The following NKD1 variants were observed in gnomAD, a reference collection of about 807,000 sequenced individuals.
NKD1 encodes the protein NKD inhibitor of Wnt signaling pathway 1, also known as protein naked cuticle homolog 1.
A neutral mutation model predicts 56.0 loss-of-function variants in NKD1; 21 were observed. The observed-to-expected ratio is 0.38, with a 90% CI of 0.27 to 0.54. The LOEUF (loss-of-function observed/expected upper bound fraction) is 0.54. NKD1 is among the 20% of genes least tolerant of loss of function. The pLI is 0.82. For missense variants in NKD1, 578 were observed against 642.7 expected (o/e 0.90, Z 1.09); for synonymous variants, 263 against 265.7 (o/e 0.99, Z 0.10).
At chr16:50,602,955 A>G (rs1356125041) in intron 3 of NKD1, among the ~76,000 whole-genome samples, 1 of 152,202 alleles carries the variant, frequency 6.6e-6, no homozygotes, top group Non-Finnish European at 1.5e-5. Flanking sequence ...TGCCTCCTGG[A>G]CACACATGTG....
chr16:50,625,376 C>T lies in NKD1; in HGVS notation c.367-109C>T, dbSNP rs1037810306. On this transcript the variant is annotated intron_variant, in intron 5 of 9. Coordinates refer to ENST00000268459, the MANE Select transcript of NKD1 (RefSeq NM_033119.5). The stretch of plus-strand genomic sequence containing the variant: ...CTGTCCACTCAAGGTCTGGGGAGGG[C>T]AGAGGACAGGTGGCCGCCCCTTGGC... 27 of 763,974 alleles carry T rather than the reference C, an allele frequency of 3.5e-5. 2 individuals carry two copies. In the South Asian group the frequency reaches 3.9e-4, roughly 11 times the overall value. 47.3% of individuals were successfully genotyped at this position (763,974 alleles called of 1,614,324 possible). A position where few individuals can be genotyped will look rare whatever the true frequency, so the allele number is the denominator to read the frequency against.
rs546827831 is a variant in NKD1, at chr16:50,632,844, T to G, written c.824-348T>G. Among the ~76,000 whole-genome samples, 87 of 152,336 alleles carry G rather than the reference T, an allele frequency of 5.7e-4. 1 individual carries two copies. The highest frequency in any genetic ancestry group is 9.3e-4 in the Non-Finnish European group (63 of 68,038). On this transcript the variant is annotated intron_variant, in intron 9 of 9. Coordinates refer to ENST00000268459, the MANE Select transcript of NKD1 (RefSeq NM_033119.5). The surrounding 1 kb of genome is among the most constrained non-coding windows in gnomAD (Gnocchi z 4.1). ...CTCCCTTCTCCCCTTTCTCTTCATA[T>G]GTTTAATTCCTCTATGAGTTACTTC...
chr16:50,607,374 G>T, intron 3 of NKD1: 1 of 161,694 alleles, frequency 6.2e-6, no homozygotes, highest in Admixed American at 5.9e-5. Context: ...GGAGAGGGTT[G>T]GGTTTTGTTT....
At chr16:50,574,035 T>A in intron 3 of NKD1, 1 of 905,694 alleles carries the variant, frequency 1.1e-6, no homozygotes, top group Non-Finnish European at 1.3e-6. Flanking sequence ...TTATGTCTTT[T>A]CAGTACTTTT....
chr16:50,648,796 T>G lies in NKD1; in HGVS notation c.*15015T>G, dbSNP rs950082975. ...GAGAGCTTGTTTATACCTATTGTCA[T>G]CTCTGTTCTTCTGTGCCCCTTCTTC... On this transcript the variant is annotated 3_prime_UTR_variant, in exon 10 of 10. Coordinates refer to ENST00000268459, the MANE Select transcript of NKD1 (RefSeq NM_033119.5). The G allele has an allele frequency of 1.3e-5, 2 of 152,230 alleles. No homozygotes were observed. The highest frequency in any genetic ancestry group is 4.8e-5 in the African/African-American group (2 of 41,446). 9.4% of individuals were successfully genotyped at this position (152,230 alleles called of 1,614,324 possible).
chr16:50,618,315 G>A (rs1299113354), intron 4 of NKD1, among the ~76,000 whole-genome samples: 1 of 152,108 alleles, frequency 6.6e-6, no homozygotes, highest in Non-Finnish European at 1.5e-5. Flanking sequence ...AGGAATCAGA[G>A]GCAGAGAATG....
chr16:50,595,862 T>A (rs1236433608), intron 3 of NKD1, among the ~76,000 whole-genome samples: 1 of 152,206 alleles, frequency 6.6e-6, no homozygotes, highest in Non-Finnish European at 1.5e-5. Context: ...GGCTGTTGAC[T>A]GGACCTGCAG....
intron 3 of NKD1, among the ~76,000 whole-genome samples, chr16:50,588,672 G>A (rs1433528548): frequency 1.4e-5 from 2 of 140,302 alleles, no homozygotes; most frequent in South Asian, 2.3e-4. Flanking sequence ...GTGTGATCTC[G>A]GTTCACTGCA....
intron 3 of NKD1, among the ~76,000 whole-genome samples, chr16:50,579,492 C>T (rs1425801343): frequency 5.5e-5 from 7 of 126,756 alleles, no homozygotes; most frequent in Admixed American, 1.5e-4. Context: ...CCGCTACACA[C>T]GCACTCTAAC....
intron 8 of NKD1, among the ~76,000 whole-genome samples, chr16:50,631,930 C>A (rs1173747906): frequency 6.6e-6 from 1 of 152,262 alleles, no homozygotes; most frequent in Non-Finnish European, 1.5e-5. Context: ...GGCCGCCTAC[C>A]TGCAGTGGGC....
rs1960796910 is a variant in NKD1 at position 50,567,905 on chromosome 16, A to G, written c.192+18350A>G. ...GCTTGTCATAAAACTGGCCTCTGCC[A>G]TATTTCACTCCCCAAGATTTTTGAC... On this transcript the variant is annotated intron_variant, in intron 3 of 9. Transcript: ENST00000268459. Among the ~76,000 whole-genome samples, 6 of 152,396 alleles carry G rather than the reference A, an allele frequency of 3.9e-5. No individual in the cohort carries two copies. The South Asian group carries it at 1.0e-3, about 26-fold the overall frequency.
At chr16:50,601,899 T>C (rs2151274043) in intron 3 of NKD1, among the ~76,000 whole-genome samples, 1 of 152,234 alleles carries the variant, frequency 6.6e-6, no homozygotes, top group Admixed American at 6.5e-5. Flanking sequence ...GGCGGGTCTG[T>C]TTTCCTCTCC....
intron 3 of NKD1, among the ~76,000 whole-genome samples, chr16:50,564,190 T>A (rs1320875658): frequency 6.6e-6 from 1 of 152,248 alleles, no homozygotes; most frequent in Non-Finnish European, 1.5e-5. Flanking sequence ...GCCATGGCCA[T>A]GGTGGGGAAT....
At chr16:50,631,934 A>T (rs1405094732) in intron 8 of NKD1, among the ~76,000 whole-genome samples, 2 of 152,250 alleles carry the variant, frequency 1.3e-5, no homozygotes, top group African/African-American at 4.8e-5. Flanking sequence ...GCCTACCTGC[A>T]GTGGGCACAT....
chr16:50,609,099 A>G (rs1961784409), intron 4 of NKD1, among the ~76,000 whole-genome samples: 1 of 152,228 alleles, frequency 6.6e-6, no homozygotes, highest in African/African-American at 2.4e-5. Flanking sequence ...TGCTGGGGTT[A>G]CAGGCGTGAG....
Position 50,549,478 on chromosome 16 carries a change from G to T in NKD1, c.115G>T (p.Gly39Trp), listed in dbSNP as rs781157182. 6.2e-7 allele frequency: 1 copy of T among 1,610,774 alleles called. No homozygotes were observed. The highest frequency in any genetic ancestry group is 8.5e-7 in the Non-Finnish European group (1 of 1,178,710). Residue 39 changes from glycine to tryptophan, a missense_variant, in exon 3 of 10, where the codon GGG becomes TGG. Transcript: ENST00000268459. ...WARKGIEEWI[G>W]RQRCPGGVSG... is the part of the protein sequence containing the mutation. Reference sequence around the variant, plus strand: ...TCGGAAGGGCATCGAGGAGTGGATCGGGAGACAGCGCTGCCCGGGCGGTGT... The same window carrying T: ...TCGGAAGGGCATCGAGGAGTGGATCTGGAGACAGCGCTGCCCGGGCGGTGT...
At chr16:50,584,585 G>A (rs537720045) in intron 3 of NKD1, among the ~76,000 whole-genome samples, 81 of 152,316 alleles carry the variant, frequency 5.3e-4, no homozygotes, top group Admixed American at 1.2e-3. Context: ...GATAATAGAA[G>A]GGATGTTGCA....
chr16:50,629,047 C>A (rs1050970509), intron 6 of NKD1, among the ~76,000 whole-genome samples: 1 of 151,784 alleles, frequency 6.6e-6, no homozygotes, highest in African/African-American at 2.4e-5. Flanking sequence ...CTCACTGCAG[C>A]CTCAAACTCC....
In NKD1 at chr16:50,648,796, T is replaced by C. The variant is rs950082975; in HGVS notation, c.*15015T>C. ...GAGAGCTTGTTTATACCTATTGTCA[T>C]CTCTGTTCTTCTGTGCCCCTTCTTC... On this transcript the variant is annotated 3_prime_UTR_variant, in exon 10 of 10. Transcript: ENST00000268459. 1 of 152,230 alleles carries C rather than the reference T, an allele frequency of 6.6e-6. No individual in the cohort carries two copies. Among genetic ancestry groups the C allele is most frequent in the African/African-American group, 2.4e-5 (1 of 41,446 alleles). 9.4% of individuals were successfully genotyped at this position (152,230 alleles called of 1,614,324 possible).
Sources: allele counts gnomAD v4.1 joint callset (sites outside exome capture counted in the v4.1 genomes callset), GRCh38; gene constraint gnomAD v4.1.1; non-coding constraint Gnocchi (gnomAD v3.1); transcripts MANE v1.5; gene names NCBI Gene and HGNC (gene_info 2026-07-23, HGNC 2026-07-21).